Variants in ZNF385D observed in about 807,000 individuals in gnomAD.
The protein encoded by ZNF385D is zinc finger protein 659.
In ZNF385D, 15 loss-of-function variants were observed where a neutral mutation model predicts 35.8. That is an observed-to-expected ratio of 0.42 (90% CI 0.28 to 0.64). The LOEUF (loss-of-function observed/expected upper bound fraction) is 0.64. Ranked by LOEUF, ZNF385D falls within the 30% of genes least tolerant of loss-of-function variation. ZNF385D has a pLI of 0.23. For missense variants in ZNF385D, 474 were observed against 494.6 expected, an observed-to-expected ratio of 0.96 and a Z score of 0.39; for synonymous variants, 212 against 186.8, an observed-to-expected ratio of 1.13 and a Z score of -1.10.
intron 2 of ZNF385D, among the ~76,000 whole-genome samples, chr3:22,326,018 C>A (rs1053666543): frequency 1.3e-5 from 2 of 152,162 alleles, no homozygotes; most frequent in African/African-American, 4.8e-5. Flanking sequence ...TCCTGACACA[C>A]TGGCTCTCTT....
intron 3 of ZNF385D, among the ~76,000 whole-genome samples, chr3:22,123,946 CTCTCTCTCTCTCTCTCTA>C (rs1314246103): frequency 7.9e-5 from 8 of 101,130 alleles, no homozygotes; most frequent in Admixed American, 2.2e-4. Flanking sequence ...CTCTCTCTCT[CTCTCTCTCTCTCTCTCTA>C]TATATATATA....
At chr3:21,876,099 T>C (rs1697949320) in intron 3 of ZNF385D, among the ~76,000 whole-genome samples, 1 of 152,118 alleles carries the variant, frequency 6.6e-6, no homozygotes, top group Admixed American at 6.6e-5. Context: ...CATAATATAA[T>C]ATTCAGTTTA....
chr3:21,653,419 GAA>G (rs894117466), intron 2 of ZNF385D, among the ~76,000 whole-genome samples: 4 of 151,978 alleles, frequency 2.6e-5, no homozygotes, highest in African/African-American at 9.7e-5. Flanking sequence ...ACATATGTAA[GAA>G]AGAGTTTTTC....
intron 3 of ZNF385D, among the ~76,000 whole-genome samples, chr3:21,927,785 T>A (rs1283300900): frequency 6.6e-6 from 1 of 152,158 alleles, no homozygotes; most frequent in Non-Finnish European, 1.5e-5. Context: ...GAGCTACACA[T>A]TTACAAACAC....
chr3:22,342,897 C>T (rs1695488603), intron 2 of ZNF385D, among the ~76,000 whole-genome samples: 1 of 152,188 alleles, frequency 6.6e-6, no homozygotes, highest in Admixed American at 6.5e-5. Flanking sequence ...ACCTAATAAT[C>T]TAAAGCTTCT....
intron 3 of ZNF385D, among the ~76,000 whole-genome samples, chr3:21,796,511 T>A (rs550867942): frequency 6.6e-6 from 1 of 152,122 alleles, no homozygotes; most frequent in Non-Finnish European, 1.5e-5. Flanking sequence ...ATTCATCACA[T>A]CAACAAAAGC....
At chr3:22,126,769 G>A (rs1425490159) in intron 3 of ZNF385D, among the ~76,000 whole-genome samples, 2 of 152,082 alleles carry the variant, frequency 1.3e-5, no homozygotes, top group Non-Finnish European at 2.9e-5. Flanking sequence ...GCCCAATGCT[G>A]AAAGTGGAAT....
In ZNF385D at chr3:22,131,628, A is replaced by G. The variant is rs536290753; in HGVS notation, c.325+37189T>C. ...AGAGCAAAGGTATAAGTGGAAGGGA[A>G]GGCCACTGCAAAGAGAACAGATGTT... On this transcript the variant is annotated intron_variant, in intron 3 of 5. Coordinates refer to the ZNF385D transcript ENST00000494108. Among the ~76,000 whole-genome samples, 10 of 152,304 alleles carry G rather than the reference A, an allele frequency of 6.6e-5. 1 individual carries two copies. The South Asian group carries it at 2.1e-3, about 32-fold the overall frequency.
intron 3 of ZNF385D, among the ~76,000 whole-genome samples, chr3:22,002,083 A>C (rs1463815054): frequency 6.6e-6 from 1 of 150,668 alleles, no homozygotes; most frequent in African/African-American, 2.5e-5. Context: ...GGAAATAAAT[A>C]ATACAAATTA....
At chr3:22,280,366 G>GTTT (rs536746722) in intron 2 of ZNF385D, among the ~76,000 whole-genome samples, 8 of 141,022 alleles carry the variant, frequency 5.7e-5, no homozygotes, top group African/African-American at 1.8e-4. Flanking sequence ...GTCTAGAAGG[G>GTTT]TTTTTTTTTT....
At chr3:21,532,730 AT>A (rs1277841023) in intron 3 of ZNF385D, among the ~76,000 whole-genome samples, 1 of 151,612 alleles carries the variant, frequency 6.6e-6, no homozygotes, top group Non-Finnish European at 1.5e-5. Flanking sequence ...ATTCTGTTTC[AT>A]GTTTTTGTTT....
intron 2 of ZNF385D, among the ~76,000 whole-genome samples, chr3:22,307,222 T>C (rs117001229): frequency 0.015 from 2,270 of 152,158 alleles, 57 homozygotes; most frequent in South Asian, 0.092. Flanking sequence ...TGGGAAGTGT[T>C]TGAGAGTCAG....
chr3:21,513,233 C>A (rs907656926), intron 3 of ZNF385D, among the ~76,000 whole-genome samples: 7 of 151,502 alleles, frequency 4.6e-5, no homozygotes, highest in African/African-American at 1.7e-4. Flanking sequence ...AAAAACAAAC[C>A]AAAACAAACC....
At chr3:22,163,293 T>C (rs1706092229) in intron 3 of ZNF385D, among the ~76,000 whole-genome samples, 2 of 152,184 alleles carry the variant, frequency 1.3e-5, no homozygotes, top group Admixed American at 1.3e-4. Flanking sequence ...TGAATTCAGG[T>C]GGTATACATG....
intron 2 of ZNF385D, among the ~76,000 whole-genome samples, chr3:22,248,091 T>C (rs946639921): frequency 1.3e-5 from 2 of 152,170 alleles, no homozygotes; most frequent in African/African-American, 4.8e-5. Context: ...TCAAGATTCA[T>C]GAACTACACA....
chr3:21,896,773 A>G (rs1699160454), intron 3 of ZNF385D, among the ~76,000 whole-genome samples: 1 of 151,806 alleles, frequency 6.6e-6, no homozygotes, highest in Non-Finnish European at 1.5e-5. Flanking sequence ...TGTTCTTGAC[A>G]TTCGCACTAG....
intron 2 of ZNF385D, among the ~76,000 whole-genome samples, chr3:22,247,557 CTT>C (rs1699849168): frequency 1.3e-5 from 2 of 151,916 alleles, no homozygotes. Context: ...ATTAAAGAGT[CTT>C]TGATTTGTTT....
intron 3 of ZNF385D, among the ~76,000 whole-genome samples, chr3:22,071,888 A>C (rs1391268928): frequency 6.6e-6 from 1 of 152,060 alleles, no homozygotes; most frequent in Non-Finnish European, 1.5e-5. Context: ...CCCATCATAA[A>C]CTGTCTTGAC....
At position 22,360,335 on chromosome 3, in the gene ZNF385D, C is replaced by T. The variant is rs565636555; in HGVS notation, c.106+12115G>A. Among the ~76,000 whole-genome samples the T allele has an allele frequency of 2.0e-5, 3 of 152,008 alleles. No individual in the cohort carries two copies. The South Asian group carries it at 6.2e-4, about 32-fold the overall frequency. On this transcript the variant is annotated intron_variant, in intron 2 of 5. Coordinates refer to the ZNF385D transcript ENST00000494108. Reference sequence around the variant, plus strand: ...CATCCTCAAACTAGCCTCTCAATGACTTCCAAACTGCTTCAGTTTGTATGC... The same window carrying T: ...CATCCTCAAACTAGCCTCTCAATGATTTCCAAACTGCTTCAGTTTGTATGC...
Sources: gnomAD v4.1 joint callset for allele counts (sites outside exome capture counted in the v4.1 genomes callset) on GRCh38, gnomAD v4.1.1 for gene constraint, MANE v1.5 for transcripts, NCBI Gene and HGNC (gene_info 2026-07-23, HGNC 2026-07-21) for gene names.